PPP1R1C: variants seen among roughly 807,000 people sequenced by gnomAD.
The protein encoded by PPP1R1C is protein phosphatase 1 regulatory subunit 1C.
In PPP1R1C, 15 loss-of-function variants were observed where a neutral mutation model predicts 17.4. The observed-to-expected ratio is 0.86, with a 90% CI of 0.58 to 1.33. PPP1R1C has a LOEUF of 1.33. Among genes scored for constraint, PPP1R1C ranks in the 40% most tolerant of loss-of-function variants. PPP1R1C has a pLI of 0.00. For missense variants in PPP1R1C, 143 were observed against 130.0 expected (o/e 1.10, Z -0.48); for synonymous variants, 35 against 43.1 (o/e 0.81, Z 0.73).
At position 181,957,079 on chromosome 2, in the gene PPP1R1C, G is replaced by A. The variant is rs1171213582; in HGVS notation, n.111+2445G>A. Among the ~76,000 whole-genome samples the A allele has an allele frequency of 1.3e-5, 2 of 152,066 alleles. No individual in the cohort carries two copies. Among genetic ancestry groups the A allele is most frequent in the Non-Finnish European group, 2.9e-5 (2 of 68,024 alleles). The stretch of plus-strand genomic sequence containing the variant: ...CCACTGGATAATTGTGCTAACTCAG[G>A]CCAGGTGCAGTGGTTCACGCCTGTA... On this transcript the variant is annotated intron_variant and non_coding_transcript_variant, in intron 1 of 5. Transcript: ENST00000464264. The surrounding 1 kb of genome is among the most constrained non-coding windows in gnomAD (Gnocchi z 4.2).
chr2:182,129,850 T>G (rs1473410720), exon 6 of PPP1R1C: 3 of 152,130 alleles, frequency 2.0e-5, no homozygotes, highest in African/African-American at 7.2e-5. Flanking sequence ...TTCCTCCAAT[T>G]CAGACATAAA....
chr2:181,994,600 C>G (rs561741327), intron 2 of PPP1R1C, among the ~76,000 whole-genome samples: 31 of 152,304 alleles, frequency 2.0e-4, no homozygotes, highest in African/African-American at 6.7e-4. Context: ...CCTGAATAAT[C>G]TGACCCATTG....
At chr2:182,058,099 ACCC>A (rs1280077645) in intron 2 of PPP1R1C, among the ~76,000 whole-genome samples, 1 of 151,928 alleles carries the variant, frequency 6.6e-6, no homozygotes, top group Non-Finnish European at 1.5e-5. Context: ...ATTAACTGAA[ACCC>A]ATAGTTTATT....
At chr2:182,032,229 T>C (rs1182667978) in intron 2 of PPP1R1C, among the ~76,000 whole-genome samples, 2 of 152,214 alleles carry the variant, frequency 1.3e-5, no homozygotes, top group Non-Finnish European at 2.9e-5. Context: ...GTTAACATAT[T>C]GGTTTCATCA....
downstream of PPP1R1C, among the ~76,000 whole-genome samples, chr2:182,119,497 G>T (rs1689677471): frequency 6.6e-6 from 1 of 152,292 alleles, no homozygotes; most frequent in Non-Finnish European, 1.5e-5. Flanking sequence ...TTCCACAATG[G>T]TTGAACTAGT....
chr2:182,071,644 C>T (rs1688143309), intron 4 of PPP1R1C, among the ~76,000 whole-genome samples: 1 of 152,182 alleles, frequency 6.6e-6, no homozygotes, highest in South Asian at 2.1e-4. Context: ...ATGTCCTGTA[C>T]ACACATAAAT....
At chr2:181,959,606 G>A (rs1183025115) in intron 1 of PPP1R1C, among the ~76,000 whole-genome samples, 2 of 152,098 alleles carry the variant, frequency 1.3e-5, no homozygotes, top group East Asian at 3.9e-4. Flanking sequence ...TTTGACATCT[G>A]TATGTATGTA....
chr2:182,113,867 A>G (rs2125235960), intron 4 of PPP1R1C, among the ~76,000 whole-genome samples: 1 of 152,284 alleles, frequency 6.6e-6, no homozygotes, highest in South Asian at 2.1e-4. Context: ...GATTAAAAAT[A>G]TTGGCCTGTG....
intron 2 of PPP1R1C, among the ~76,000 whole-genome samples, chr2:182,035,218 G>A (rs1191005118): frequency 6.6e-6 from 1 of 152,178 alleles, no homozygotes; most frequent in Admixed American, 6.5e-5. Flanking sequence ...AATTCACAGT[G>A]AAAGTTTATA....
At chr2:182,114,812 T>C (rs1689535329) in intron 4 of PPP1R1C, among the ~76,000 whole-genome samples, 1 of 152,170 alleles carries the variant, frequency 6.6e-6, no homozygotes, top group South Asian at 2.1e-4. Context: ...GATTTTACTT[T>C]GAAAAAGGTT....
intron 1 of PPP1R1C, 98 bp from the exon 2 acceptor site, chr2:181,987,741 G>A (rs1685344171): frequency 8.1e-7 from 1 of 1,231,358 alleles, no homozygotes; most frequent in East Asian, 2.5e-5. Flanking sequence ...TTTTGCATGT[G>A]GGGAAAAGAT....
At chr2:182,027,640 A>C in intron 2 of PPP1R1C, among the ~76,000 whole-genome samples, 1 of 141,536 alleles carries the variant, frequency 7.1e-6, no homozygotes, top group Non-Finnish European at 1.5e-5. Context: ...TTTTTGCATC[A>C]ATGTTCATCA....
chr2:182,032,944 TGA>T (rs969957269), intron 2 of PPP1R1C, among the ~76,000 whole-genome samples: 1 of 152,176 alleles, frequency 6.6e-6, no homozygotes. Flanking sequence ...ACAAACTTCT[TGA>T]GAGAGTTGTT....
At chr2:182,119,106 C>T (rs934172376), downstream of PPP1R1C, among the ~76,000 whole-genome samples, 5 of 151,946 alleles carry the variant, frequency 3.3e-5, 1 homozygote, top group Admixed American at 1.3e-4. Context: ...TTCCTGTGTC[C>T]GTGTGTTCTC....
Position 181,962,404 on chromosome 2 carries a change from G to A in PPP1R1C, n.111+7770G>A, listed in dbSNP as rs758901250. Reference sequence around the variant, plus strand: ...TGGCCATGCAGCTGGCCGGCCGGGCGCCGTAGTTGGACACCTGGACAGAGC... The same window carrying A: ...TGGCCATGCAGCTGGCCGGCCGGGCACCGTAGTTGGACACCTGGACAGAGC... On this transcript the variant is annotated intron_variant and non_coding_transcript_variant, in intron 1 of 5. Transcript: ENST00000464264. The surrounding 1 kb of genome is among the most constrained non-coding windows in gnomAD (Gnocchi z 6.0). 24 of 726,122 alleles carry A rather than the reference G, an allele frequency of 3.3e-5. No homozygotes were observed. The highest frequency in any genetic ancestry group is 4.9e-5 in the Non-Finnish European group (20 of 410,476). 45.0% of individuals were successfully genotyped at this position (726,122 alleles called of 1,614,324 possible).
upstream of PPP1R1C, among the ~76,000 whole-genome samples, chr2:181,982,164 C>T (rs908899964): frequency 6.6e-6 from 1 of 152,234 alleles, no homozygotes; most frequent in Admixed American, 6.5e-5. Flanking sequence ...CCCTTCTCTT[C>T]CCTCAAAGAA....
intron 2 of PPP1R1C, among the ~76,000 whole-genome samples, chr2:181,997,062 T>G (rs1343895205): frequency 2.6e-5 from 4 of 151,608 alleles, no homozygotes; most frequent in African/African-American, 9.7e-5. Flanking sequence ...ACCCTGTCTT[T>G]ACTAGAAATA....
chr2:181,962,410 G>T lies in PPP1R1C; in HGVS notation n.111+7776G>T. On this transcript the variant is annotated intron_variant and non_coding_transcript_variant, in intron 1 of 5. Transcript: ENST00000464264. The surrounding 1 kb of genome is among the most constrained non-coding windows in gnomAD (Gnocchi z 6.0). ...TGCAGCTGGCCGGCCGGGCGCCGTA[G>T]TTGGACACCTGGACAGAGCCCAGGA... is the stretch of plus-strand genomic sequence containing the variant. 1.4e-6 allele frequency: 1 copy of T among 716,838 alleles called. No individual in the cohort carries two copies. Among genetic ancestry groups the T allele is most frequent in the South Asian group, 1.5e-5 (1 of 66,776 alleles). 44.4% of individuals were successfully genotyped at this position (716,838 alleles called of 1,614,324 possible).
At chr2:182,053,519 T>G (rs1238387184) in intron 2 of PPP1R1C, among the ~76,000 whole-genome samples, 18 of 152,128 alleles carry the variant, frequency 1.2e-4, no homozygotes, top group Admixed American at 1.2e-3. Flanking sequence ...TTATTGCAGG[T>G]GAGATTTTTC....
Sources: gnomAD v4.1 joint callset for allele counts (sites outside exome capture counted in the v4.1 genomes callset) on GRCh38, gnomAD v4.1.1 for gene constraint, Gnocchi (gnomAD v3.1) non-coding constraint, MANE v1.5 for transcripts, NCBI Gene and HGNC (gene_info 2026-07-23, HGNC 2026-07-21) for gene names.